Variants in MAGI2 observed in about 807,000 individuals in gnomAD.
MAGI2 encodes the protein membrane-associated guanylate kinase, WW and PDZ domain-containing protein 2.
In MAGI2, 35 loss-of-function variants were observed where a neutral mutation model predicts 133.3. The observed-to-expected ratio is 0.26, with a 90% confidence interval of 0.20 to 0.35. The LOEUF is 0.35. Among genes scored for constraint, MAGI2 ranks in the 10% least tolerant of loss-of-function variants. The pLI is 1.00. For synonymous variants in MAGI2, 729 were observed against 710.6 expected (o/e 1.03, Z -0.41); for missense variants, 1,636 against 1,863.4 (o/e 0.88, Z 2.25).
At chr7:79,283,497 G>C (rs1835794227) in intron 1 of MAGI2, among the ~76,000 whole-genome samples, 1 of 151,902 alleles carries the variant, frequency 6.6e-6, no homozygotes, top group African/African-American at 2.4e-5. Flanking sequence ...TCCTCTGAGG[G>C]ACCTTAATCT....
In MAGI2 at chr7:78,019,389, C is replaced by T; in HGVS notation, c.4294G>A (p.Gly1432Arg). ...APARKAAVAPGPWKVPGSDKL... is the reference protein window; with the variant it reads ...APARKAAVAPRPWKVPGSDKL... ...TCAGAACCCGGCACCTTCCAGGGCC[C>T]CGGCGCGACGGCGGCCTTGCGCGCC... Residue 1432 changes from glycine (G) to arginine (R), a missense_variant, in exon 22 of 22, where the codon GGG becomes AGG. By Grantham distance (125) the Gly-to-Arg change is moderately radical (BLOSUM62 -2). Transcript: ENST00000354212. 8.1e-7 allele frequency: 1 copy of T among 1,237,542 alleles called. No homozygotes were observed. Among genetic ancestry groups the T allele is most frequent in the Non-Finnish European group, 1.0e-6 (1 of 991,842 alleles). 76.7% of individuals were successfully genotyped at this position (1,237,542 alleles called of 1,614,324 possible).
intron 1 of MAGI2, among the ~76,000 whole-genome samples, chr7:79,385,416 T>C (rs1477431335): frequency 6.6e-6 from 1 of 151,926 alleles, no homozygotes; most frequent in Non-Finnish European, 1.5e-5. Context: ...GTTTGAATTT[T>C]AAAATATTTT....
intron 6 of MAGI2, among the ~76,000 whole-genome samples, chr7:78,432,991 T>A (rs1267852538): frequency 6.6e-6 from 1 of 152,054 alleles, no homozygotes; most frequent in Non-Finnish European, 1.5e-5. Flanking sequence ...ATGTATAAAA[T>A]AACCTGGGTT....
chr7:78,550,615 T>C (rs1799251896), intron 3 of MAGI2, among the ~76,000 whole-genome samples: 1 of 152,210 alleles, frequency 6.6e-6, no homozygotes, highest in South Asian at 2.1e-4. Context: ...ATGGCACTTC[T>C]GCATAACTCC....
chr7:78,771,909 G>C (rs1238025598), intron 2 of MAGI2, among the ~76,000 whole-genome samples: 4 of 152,134 alleles, frequency 2.6e-5, no homozygotes, highest in African/African-American at 7.2e-5. Flanking sequence ...TCCCTTCTCT[G>C]TTTCAGTGTC....
At chr7:78,573,280 ATATTTATATAAATATATATATTT>A (rs1801838459) in intron 3 of MAGI2, among the ~76,000 whole-genome samples, 1 of 56,956 alleles carries the variant, frequency 1.8e-5, no homozygotes, top group Middle Eastern at 6.4e-3. Context: ...ATAAATATAT[ATATTTATATAAATATATATATTT>A]ATATATATAA....
intron 3 of MAGI2, among the ~76,000 whole-genome samples, chr7:78,542,681 G>A (rs770756524): frequency 1.3e-5 from 2 of 152,172 alleles, no homozygotes; most frequent in South Asian, 2.1e-4. Context: ...TGTAGGCACC[G>A]ATGAAACCTA....
At chr7:79,257,884 A>T (rs998209421) in intron 1 of MAGI2, among the ~76,000 whole-genome samples, 1 of 152,042 alleles carries the variant, frequency 6.6e-6, no homozygotes, top group African/African-American at 2.4e-5. Flanking sequence ...GCCCCACAGA[A>T]ATTCTGTGGT....
chr7:78,817,512 TC>T, intron 2 of MAGI2, among the ~76,000 whole-genome samples: 1 of 152,070 alleles, frequency 6.6e-6, no homozygotes, highest in Non-Finnish European at 1.5e-5. Flanking sequence ...AAATTGTCAC[TC>T]CCATCCCAAA....
chr7:79,089,181 C>A (rs1444896984), intron 1 of MAGI2, among the ~76,000 whole-genome samples: 1 of 151,958 alleles, frequency 6.6e-6, no homozygotes, highest in East Asian at 1.9e-4. Flanking sequence ...GACATTTATG[C>A]AGCCAACAAA....
At chr7:78,308,037 A>G (rs896970267) in intron 9 of MAGI2, among the ~76,000 whole-genome samples, 1 of 152,210 alleles carries the variant, frequency 6.6e-6, no homozygotes, top group African/African-American at 2.4e-5. Flanking sequence ...TTGGGAATCA[A>G]TTTGCTGAAT....
At chr7:78,343,315 A>T (rs1214702882) in intron 9 of MAGI2, among the ~76,000 whole-genome samples, 1 of 152,228 alleles carries the variant, frequency 6.6e-6, no homozygotes, top group Non-Finnish European at 1.5e-5. Flanking sequence ...AACATAATAT[A>T]GGGACATATA....
At chr7:78,591,008 ATATT>A (rs1178500828) in intron 3 of MAGI2, among the ~76,000 whole-genome samples, 5 of 152,298 alleles carry the variant, frequency 3.3e-5, no homozygotes, top group East Asian at 1.9e-4. Flanking sequence ...TTTCCTCTCT[ATATT>A]TATTAATTTA....
At chr7:78,147,295 A>C (rs1309498383) in intron 16 of MAGI2, among the ~76,000 whole-genome samples, 4 of 152,198 alleles carry the variant, frequency 2.6e-5, no homozygotes, top group African/African-American at 9.7e-5. Flanking sequence ...GGTCAAATAA[A>C]TTATGTCAGT....
At chr7:79,376,136 T>G (rs967282567) in intron 1 of MAGI2, among the ~76,000 whole-genome samples, 2 of 151,820 alleles carry the variant, frequency 1.3e-5, no homozygotes, top group African/African-American at 4.8e-5. Flanking sequence ...ATATAGTAGT[T>G]CCCCTTATCA....
chr7:79,103,755 A>C lies in MAGI2; in HGVS notation c.302-96549T>G, dbSNP rs192531091. Reference sequence around the variant, plus strand: ...CAGTCTGTCGCCCAGCCTGGAGTGCAGTGGCGCAATCTTGGCTCACTGCAA... The same window carrying C: ...CAGTCTGTCGCCCAGCCTGGAGTGCCGTGGCGCAATCTTGGCTCACTGCAA... On this transcript the variant is annotated intron_variant, in intron 1 of 21. Transcript: ENST00000354212. Among the ~76,000 whole-genome samples, 1,253 of 151,938 alleles carry C rather than the reference A, an allele frequency of 8.2e-3. 12 individuals are homozygous for C. Among genetic ancestry groups the C allele is most frequent in the Non-Finnish European group, 0.014 (971 of 67,960 alleles).
At chr7:79,101,730 A>AG (rs1331391780) in intron 1 of MAGI2, among the ~76,000 whole-genome samples, 1 of 150,742 alleles carries the variant, frequency 6.6e-6, no homozygotes, top group Non-Finnish European at 1.5e-5. Flanking sequence ...TCACAAAAAA[A>AG]AAAAAAAAAA....
At chr7:78,276,003 C>A (rs1053881622) in intron 9 of MAGI2, among the ~76,000 whole-genome samples, 2 of 152,148 alleles carry the variant, frequency 1.3e-5, no homozygotes, top group Non-Finnish European at 1.5e-5. Context: ...GTGATTATTA[C>A]CCTTTCCATT....
intron 1 of MAGI2, among the ~76,000 whole-genome samples, chr7:79,275,672 A>G (rs1189131558): frequency 6.6e-6 from 1 of 152,172 alleles, no homozygotes; most frequent in Non-Finnish European, 1.5e-5. Flanking sequence ...GGAAGAAGTC[A>G]ATGTCTGCCT....
Sources: allele counts gnomAD v4.1 joint callset (sites outside exome capture counted in the v4.1 genomes callset), GRCh38; gene constraint gnomAD v4.1.1; transcripts MANE v1.5; gene names NCBI Gene and HGNC (gene_info 2026-07-23, HGNC 2026-07-21).